The following GNAI3 variants were observed in gnomAD, a reference collection of about 807,000 sequenced individuals.
The protein encoded by GNAI3 is guanine nucleotide-binding protein G(i) subunit alpha-3.
GNAI3 carries 12 observed loss-of-function variants against 41.8 expected under a neutral mutation model. The ratio of observed to expected loss-of-function variants is 0.29; its 90% CI spans 0.18 to 0.47. GNAI3 has a LOEUF of 0.47. GNAI3 is among the 20% of genes least tolerant of loss of function. GNAI3 has a pLI of 1.00. For missense variants in GNAI3, 360 were observed against 429.6 expected, an observed-to-expected ratio of 0.84 and a Z score of 1.43; for synonymous variants, 132 against 146.5, an observed-to-expected ratio of 0.90 and a Z score of 0.71.
chr1:109,552,666 AT>A (rs1173447175), intron 1 of GNAI3, among the ~76,000 whole-genome samples: 1 of 151,638 alleles, frequency 6.6e-6, no homozygotes, highest in African/African-American at 2.4e-5. Context: ...AATACTTTGT[AT>A]TTTTTTCATG....
rs963766808 is a variant in GNAI3, at chr1:109,597,782, C to T, written c.*5460C>T. The T allele has an allele frequency of 3.3e-5, 5 of 151,926 alleles. No homozygotes were observed. Among genetic ancestry groups the T allele is most frequent in the African/African-American group, 1.2e-4 (5 of 41,332 alleles). The allele number at this position is 151,926 out of a possible 1,614,324, so 9.4% of individuals were successfully genotyped here. A position where few individuals can be genotyped will look rare whatever the true frequency, so the allele number is the denominator to read the frequency against. Reference sequence around the variant, plus strand: ...AGATACACCAAATTAAAGATAAAACCCTGTGACAGATAACAGTATATGTAA... The same window carrying T: ...AGATACACCAAATTAAAGATAAAACTCTGTGACAGATAACAGTATATGTAA... On this transcript the variant is annotated 3_prime_UTR_variant, in exon 9 of 9. Transcript: ENST00000369851.
chr1:109,589,633 T>G (rs1290523203), intron 7 of GNAI3, among the ~76,000 whole-genome samples: 1 of 152,186 alleles, frequency 6.6e-6, no homozygotes, highest in Non-Finnish European at 1.5e-5. Flanking sequence ...ACAAATTGTG[T>G]TATATACATA....
At chr1:109,583,293 T>G (rs1648942275) in intron 5 of GNAI3, among the ~76,000 whole-genome samples, 1 of 152,180 alleles carries the variant, frequency 6.6e-6, no homozygotes, top group Non-Finnish European at 1.5e-5. Context: ...CACTGCAACC[T>G]TGACCTCCTG....
chr1:109,590,581 CTTT>C (rs201086144), intron 7 of GNAI3, among the ~76,000 whole-genome samples: 1 of 144,944 alleles, frequency 6.9e-6, no homozygotes. Context: ...TTTTCCTTTC[CTTT>C]TTTTTTTTTG....
chr1:109,568,377 T>TA (rs1038193930), intron 1 of GNAI3, among the ~76,000 whole-genome samples: 5 of 150,768 alleles, frequency 3.3e-5, no homozygotes, highest in South Asian at 2.1e-4. Flanking sequence ...CTACTAAAAA[T>TA]AAAAAAAAAT....
rs1649361637 is a variant in GNAI3, at chr1:109,598,181, A to G, written c.*5859A>G. On this transcript the variant is annotated 3_prime_UTR_variant, in exon 9 of 9. Transcript: ENST00000369851. ...CTTAGGTTATCCAGACATTTTTACT[A>G]AGATGCTTATTTATATGTAAGAGAG... The G allele has an allele frequency of 6.6e-6, 1 of 152,198 alleles. No homozygotes were observed. Among genetic ancestry groups the G allele is most frequent in the South Asian group, 2.1e-4 (1 of 4,832 alleles). 9.4% of individuals were successfully genotyped at this position (152,198 alleles called of 1,614,324 possible). A position where few individuals can be genotyped will look rare whatever the true frequency, so the allele number is the denominator to read the frequency against.
intron 1 of GNAI3, among the ~76,000 whole-genome samples, chr1:109,565,995 AAAT>A (rs1230289771): frequency 2.6e-5 from 4 of 152,250 alleles, no homozygotes; most frequent in African/African-American, 9.6e-5. Flanking sequence ...GAATATAGTC[AAAT>A]AATTTTTTTA....
chr1:109,571,970 G>A (rs1441630722), intron 1 of GNAI3, among the ~76,000 whole-genome samples: 1 of 152,014 alleles, frequency 6.6e-6, no homozygotes, highest in Non-Finnish European at 1.5e-5. Flanking sequence ...TTTAGATAGG[G>A]AAAAGGGCCA....
Position 109,592,341 on chromosome 1 carries a change from C to G in GNAI3, c.*23-4C>G. On this transcript the variant is annotated splice_region_variant and splice_polypyrimidine_tract_variant and intron_variant, in intron 8 of 8. Transcript: ENST00000369851. ...TTCTAATTAAGAATATTCTTCTCTT[C>G]TAGTTACTACAGTGTGGAGTGTTGA... is the stretch of plus-strand genomic sequence containing the variant. 1.4e-6 allele frequency: 1 copy of G among 706,994 alleles called. No homozygotes were observed. The allele number at this position is 706,994 out of a possible 1,614,324, so 43.8% of individuals were successfully genotyped here. A position where few individuals can be genotyped will look rare whatever the true frequency, so the allele number is the denominator to read the frequency against.
At chr1:109,580,929 C>G (rs1648874902) in intron 4 of GNAI3, among the ~76,000 whole-genome samples, 1 of 152,156 alleles carries the variant, frequency 6.6e-6, no homozygotes, top group East Asian at 1.9e-4. Flanking sequence ...TCTTGCCTAC[C>G]TTTTAATAAC....
At chr1:109,588,257 C>G (rs1319090575) in intron 7 of GNAI3, among the ~76,000 whole-genome samples, 4 of 151,844 alleles carry the variant, frequency 2.6e-5, no homozygotes, top group Non-Finnish European at 5.9e-5. Context: ...TGGCAGGCAC[C>G]TGTAGTCCCA....
At chr1:109,554,644 T>A (rs1471481011) in intron 1 of GNAI3, among the ~76,000 whole-genome samples, 2 of 152,236 alleles carry the variant, frequency 1.3e-5, no homozygotes, top group Non-Finnish European at 2.9e-5. Flanking sequence ...GTGAAGATTT[T>A]CTCCCACTCT....
At chr1:109,552,452 A>T (rs1261661666) in intron 1 of GNAI3, among the ~76,000 whole-genome samples, 2 of 152,088 alleles carry the variant, frequency 1.3e-5, no homozygotes, top group African/African-American at 4.8e-5. Flanking sequence ...CTATTTAAAC[A>T]ATTAGAGATG....
intron 1 of GNAI3, among the ~76,000 whole-genome samples, chr1:109,556,951 C>T (rs561616789): frequency 1.3e-5 from 2 of 152,186 alleles, no homozygotes; most frequent in South Asian, 2.1e-4. Context: ...GTTCTCTTTC[C>T]TCCCGAGACA....
Position 109,582,266 on chromosome 1 carries a change from C to T in GNAI3, c.462-171C>T, listed in dbSNP as rs12037970. 0.18 allele frequency among the ~76,000 whole-genome samples: 27,681 copies of T among 152,132 alleles called. 2,692 individuals are homozygous for T. Among genetic ancestry groups the T allele is most frequent in the East Asian group, 0.34 (1,745 of 5,166 alleles). On this transcript the variant is annotated intron_variant, in intron 4 of 8. Transcript: ENST00000369851. ...TTGGCCTCCCAGAGTGTTGGGATTA[C>T]AGGTGTGAGCCACCATGCCTGGCTT...
In GNAI3 at chr1:109,581,690, C is replaced by T. The variant is rs569686554; in HGVS notation, c.462-747C>T. On this transcript the variant is annotated intron_variant, in intron 4 of 8. Transcript: ENST00000369851. ...ATCACCTGAGGTCAGGAGTTTGAGACCAGCCTGGCCAACATGGTGAAACCC... is the reference window on the plus strand; with the variant it reads ...ATCACCTGAGGTCAGGAGTTTGAGATCAGCCTGGCCAACATGGTGAAACCC... Among the ~76,000 whole-genome samples the T allele has an allele frequency of 2.6e-5, 4 of 152,174 alleles. No homozygotes were observed. In the South Asian group the frequency reaches 8.3e-4, roughly 32 times the overall value.
intron 5 of GNAI3, among the ~76,000 whole-genome samples, chr1:109,585,992 C>G (rs1048539494): frequency 3.3e-5 from 5 of 152,152 alleles, no homozygotes; most frequent in Non-Finnish European, 7.4e-5. Context: ...AGAGGCTCAG[C>G]TATCTAAAAT....
At chr1:109,583,883 A>G (rs139047242) in intron 5 of GNAI3, among the ~76,000 whole-genome samples, 152 of 149,206 alleles carry the variant, frequency 1.0e-3, no homozygotes, top group South Asian at 5.7e-3. Flanking sequence ...GAGCCACCAC[A>G]CCCAGCAACA....
intron 5 of GNAI3, among the ~76,000 whole-genome samples, chr1:109,582,896 T>C (rs1466137217): frequency 6.6e-6 from 1 of 152,230 alleles, no homozygotes; most frequent in Non-Finnish European, 1.5e-5. Context: ...AATTCAGATA[T>C]TGAATGTTTA....
Sources: gnomAD v4.1 joint callset for allele counts (sites outside exome capture counted in the v4.1 genomes callset) on GRCh38, gnomAD v4.1.1 for gene constraint, MANE v1.5 for transcripts, NCBI Gene and HGNC (gene_info 2026-07-23, HGNC 2026-07-21) for gene names.